C2CD5: variants seen among roughly 807,000 people sequenced by gnomAD.
The protein encoded by C2CD5 is C2 calcium dependent domain containing 5.
C2CD5 carries 109 observed loss-of-function variants against 130.3 expected under a neutral mutation model. The observed-to-expected ratio is 0.84, with a 90% CI of 0.72 to 0.98. The LOEUF (loss-of-function observed/expected upper bound fraction) is 0.98, where lower values mean the gene tolerates loss of function less well. C2CD5 is among the 50% of genes least tolerant of loss of function. The pLI, the probability that C2CD5 is intolerant of heterozygous loss-of-function variation, is 0.00. For synonymous variants in C2CD5, 454 were observed against 429.2 expected (o/e 1.06, Z -0.71); for missense variants, 996 against 1,261.8 (o/e 0.79, Z 3.19).
intron 7 of C2CD5, among the ~76,000 whole-genome samples, chr12:22,521,235 A>G (rs955343485): frequency 2.0e-5 from 3 of 152,180 alleles, no homozygotes; most frequent in African/African-American, 7.2e-5. Context: ...CAGTTGAAAT[A>G]AAACAGCCTG....
intron 3 of C2CD5, among the ~76,000 whole-genome samples, chr12:22,531,218 T>C (rs886512095): frequency 1.3e-5 from 2 of 152,186 alleles, no homozygotes; most frequent in East Asian, 1.9e-4. Flanking sequence ...ACTCAATACA[T>C]GTGCAACGGG....
chr12:22,487,430 A>G (rs972944913), intron 12 of C2CD5, among the ~76,000 whole-genome samples: 2 of 152,244 alleles, frequency 1.3e-5, no homozygotes, highest in African/African-American at 4.8e-5. Flanking sequence ...ACATTTATGC[A>G]GCCAAAAGAC....
intron 6 of C2CD5, 105 bp from the exon 7 acceptor site, chr12:22,523,729 C>CA: frequency 1.2e-6 from 1 of 810,236 alleles, no homozygotes; most frequent in South Asian, 1.7e-5. Flanking sequence ...AAGAAAATCA[C>CA]AGATTTTCAG....
At position 22,523,619 on chromosome 12, in the gene C2CD5, G is replaced by A; in HGVS notation, c.607C>T (p.Leu203=). ...ACTTTCAAGCCAATCTTCCTCTGCA[G>A]CTCACCTACAAAACATGGGAAATCT... The part of the protein sequence containing the change: ...QRLISLMSGE[L]QRKIGLKVLE... The change falls in exon 7 of 27, where the codon CTG becomes TTG. Residue 203 remains leucine (L), a synonymous_variant. Coordinates refer to ENST00000446597, the MANE Select transcript of C2CD5 (RefSeq NM_001286176.2). The A allele has an allele frequency of 6.2e-7, 1 of 1,610,932 alleles. No individual in the cohort carries two copies. The highest frequency in any genetic ancestry group is 8.5e-7 in the Non-Finnish European group (1 of 1,178,756).
Position 22,451,090 on chromosome 12 carries a change from T to TA in C2CD5, c.3025-1200dup, listed in dbSNP as rs889965146. The stretch of plus-strand genomic sequence containing the variant: ...AGTGTTACATCTCTAGAAGTTACCA[T>TA]AAAAAAAAAAATGAAAAATTTGGTT... On this transcript the variant is annotated intron_variant, in intron 26 of 26. Transcript: ENST00000446597. Among the ~76,000 whole-genome samples the TA allele has an allele frequency of 3.2e-3, 468 of 144,206 alleles. 2 individuals carry two copies. The highest frequency in any genetic ancestry group is 0.017 in the South Asian group (77 of 4,558). The allele number at this position is 144,206 out of a possible 152,430, so 94.6% of individuals were successfully genotyped here. A position where few individuals can be genotyped will look rare whatever the true frequency, so the allele number is the denominator to read the frequency against.
chr12:22,530,076 C>CTATATACA (rs1951080751), intron 3 of C2CD5, among the ~76,000 whole-genome samples: 1 of 77,290 alleles, frequency 1.3e-5, no homozygotes, highest in Non-Finnish European at 2.5e-5. Context: ...TATTTGAGTG[C>CTATATACA]TATATATATA....
intron 23 of C2CD5, chr12:22,458,955 C>G (rs1273006956): frequency 6.3e-6 from 1 of 159,432 alleles, no homozygotes; most frequent in African/African-American, 2.4e-5. Flanking sequence ...ATTTTATAAT[C>G]AAAGCTTTGT....
chr12:22,543,991 G>A (rs1004363405), intron 2 of C2CD5, 70 bp downstream of exon 2: 4 of 1,185,536 alleles, frequency 3.4e-6, no homozygotes, highest in African/African-American at 1.5e-5. Context: ...AGGGGCTGGG[G>A]GCGAGGTGGG....
At chr12:22,467,498 G>A (rs917962888) in intron 22 of C2CD5, among the ~76,000 whole-genome samples, 1 of 152,128 alleles carries the variant, frequency 6.6e-6, no homozygotes, top group African/African-American at 2.4e-5. Context: ...TTTAGCTTTT[G>A]ATTTACTTTT....
chr12:22,503,047 CTTG>C, intron 10 of C2CD5, among the ~76,000 whole-genome samples: 1 of 152,082 alleles, frequency 6.6e-6, no homozygotes, highest in African/African-American at 2.4e-5. Flanking sequence ...CATTCTTTCC[CTTG>C]TTGTAGTCAC....
intron 9 of C2CD5, among the ~76,000 whole-genome samples, chr12:22,508,940 A>G (rs1046298589): frequency 6.7e-6 from 1 of 150,192 alleles, no homozygotes; most frequent in African/African-American, 2.5e-5. Flanking sequence ...GCAGTGGCGC[A>G]ATCTCGGCTC....
chr12:22,459,497 T>C lies in C2CD5; in HGVS notation c.2579A>G (p.Gln860Arg). The C allele has an allele frequency of 6.5e-7, 1 of 1,530,146 alleles. No individual in the cohort carries two copies. Among genetic ancestry groups the C allele is most frequent in the Non-Finnish European group, 8.8e-7 (1 of 1,141,598 alleles). The allele number at this position is 1,530,146 out of a possible 1,614,324, so 94.8% of individuals were successfully genotyped here. ...GCTTAATTAGACAAACTCACCTCTCTGTGCAGCTGGTATACCTGAGTTAGA... is the reference window on the plus strand; with the variant it reads ...GCTTAATTAGACAAACTCACCTCTCCGTGCAGCTGGTATACCTGAGTTAGA... ...ASSNSGIPAAQRATSVDYSSF... is the reference protein window; with the variant it reads ...ASSNSGIPAARRATSVDYSSF... Residue 860 changes from glutamine (Q) to arginine (R), a missense_variant, in exon 23 of 27, where the codon CAG becomes CGG. Transcript: ENST00000446597.
intron 8 of C2CD5, chr12:22,515,124 A>T (rs1949586787): frequency 6.5e-5 from 64 of 985,074 alleles, no homozygotes; most frequent in Non-Finnish European, 7.6e-5. Flanking sequence ...GGACACAGGT[A>T]AATCCTAGGT....
chr12:22,493,797 C>T, intron 10 of C2CD5, among the ~76,000 whole-genome samples: 1 of 151,426 alleles, frequency 6.6e-6, no homozygotes. Context: ...CTTTCCAAGG[C>T]AAAGATTTGT....
intron 22 of C2CD5, among the ~76,000 whole-genome samples, chr12:22,464,178 T>A (rs1335122506): frequency 6.6e-6 from 1 of 152,180 alleles, no homozygotes; most frequent in East Asian, 1.9e-4. Context: ...ATTTGGACAG[T>A]TTATAAGGGA....
chr12:22,502,875 AC>A (rs1358183421), intron 10 of C2CD5: 1 of 807,926 alleles, frequency 1.2e-6, no homozygotes, highest in East Asian at 2.7e-5. Flanking sequence ...AAAAAACACT[AC>A]AAACAAGAAC....
At chr12:22,497,559 A>T (rs1415102291) in intron 10 of C2CD5, 1 of 860,588 alleles carries the variant, frequency 1.2e-6, no homozygotes, top group Admixed American at 6.2e-5. Context: ...GACAGTATAA[A>T]AAGCTATATT....
chr12:22,539,188 C>T (rs1952104971), intron 2 of C2CD5, among the ~76,000 whole-genome samples: 1 of 152,134 alleles, frequency 6.6e-6, no homozygotes, highest in African/African-American at 2.4e-5. Flanking sequence ...GGATTCCACC[C>T]TCATCATGCC....
At chr12:22,471,873 C>A in intron 19 of C2CD5, 94 bp downstream of exon 19, 1 of 744,854 alleles carries the variant, frequency 1.3e-6, no homozygotes. Context: ...CAGCCCACAA[C>A]TGTGTAAGGT....
Sources: gnomAD v4.1 joint callset for allele counts (sites outside exome capture counted in the v4.1 genomes callset) on GRCh38, gnomAD v4.1.1 for gene constraint, MANE v1.5 for transcripts, NCBI Gene and HGNC (gene_info 2026-07-23, HGNC 2026-07-21) for gene names.